SLIT3: variants seen among roughly 807,000 people sequenced by gnomAD.
SLIT3 encodes slit homolog 3 protein.
SLIT3 carries 68 observed loss-of-function variants against 184.0 expected under a neutral mutation model. That is an observed-to-expected ratio of 0.37 (90% CI 0.30 to 0.45). The LOEUF is 0.45. Ranked by LOEUF, SLIT3 falls within the 20% of genes least tolerant of loss-of-function variation. The probability of loss-of-function intolerance (pLI) is 1.00; values close to 1 mark genes in which losing one functional copy is unlikely to be tolerated. For missense variants in SLIT3, 1,707 were observed against 2,026.0 expected, an observed-to-expected ratio of 0.84 and a Z score of 3.02; for synonymous variants, 831 against 828.6, an observed-to-expected ratio of 1.00 and a Z score of -0.05.
At chr5:169,183,116 C>T (rs11740421) in intron 4 of SLIT3, among the ~76,000 whole-genome samples, 10,602 of 152,254 alleles carry the variant, frequency 0.07, 737 homozygotes, top group African/African-American at 0.17. Flanking sequence ...AGCATCCCAA[C>T]CACCAGCACA....
intron 8 of SLIT3, among the ~76,000 whole-genome samples, chr5:168,808,261 G>A (rs1757043953): frequency 6.6e-6 from 1 of 152,046 alleles, no homozygotes; most frequent in Non-Finnish European, 1.5e-5. Context: ...AACTGGGAAA[G>A]CCTTTATACT....
chr5:168,669,542 TTTTTGTGG>T (rs1761169707), intron 35 of SLIT3, among the ~76,000 whole-genome samples: 1 of 152,198 alleles, frequency 6.6e-6, no homozygotes, highest in Admixed American at 6.5e-5. Context: ...AAAAAAATGT[TTTTTGTGG>T]TTTTGAACTG....
At chr5:169,119,013 A>G (rs1760786042) in intron 4 of SLIT3, among the ~76,000 whole-genome samples, 1 of 152,136 alleles carries the variant, frequency 6.6e-6, no homozygotes, top group Non-Finnish European at 1.5e-5. Flanking sequence ...TAAGTGTTAA[A>G]TTTTTCCCAA....
chr5:169,020,009 T>C (rs746630108), intron 4 of SLIT3, among the ~76,000 whole-genome samples: 8 of 152,214 alleles, frequency 5.3e-5, no homozygotes, highest in Non-Finnish European at 7.3e-5. Context: ...CAGGACAAAT[T>C]TGGCCGCTGC....
At chr5:168,673,979 C>T (rs1180230237) in intron 32 of SLIT3, among the ~76,000 whole-genome samples, 1 of 152,212 alleles carries the variant, frequency 6.6e-6, no homozygotes, top group Non-Finnish European at 1.5e-5. Flanking sequence ...CCCAATTTCC[C>T]CCTTAAATAT....
intron 4 of SLIT3, among the ~76,000 whole-genome samples, chr5:168,994,450 T>C (rs1044392620): frequency 6.6e-6 from 1 of 151,988 alleles, no homozygotes; most frequent in South Asian, 2.1e-4. Flanking sequence ...CAGAATTTAG[T>C]TATCTGTCCA....
At chr5:168,776,921 C>T (rs11134528) in intron 12 of SLIT3, among the ~76,000 whole-genome samples, 39,974 of 151,920 alleles carry the variant, frequency 0.26, 5,979 homozygotes, top group East Asian at 0.37. Context: ...TGTCAAGAAA[C>T]ACTGAACTAT....
intron 23 of SLIT3, among the ~76,000 whole-genome samples, chr5:168,718,701 C>CACAT (rs1762831919): frequency 1.5e-5 from 2 of 135,260 alleles, no homozygotes; most frequent in South Asian, 4.5e-4. Context: ...CACACACACA[C>CACAT]ACACACACAC....
At chr5:169,097,201 C>T (rs559039717) in intron 4 of SLIT3, among the ~76,000 whole-genome samples, 2 of 152,348 alleles carry the variant, frequency 1.3e-5, no homozygotes, top group South Asian at 4.1e-4. Context: ...GAAATGTGCA[C>T]TGTTCCCTGC....
chr5:169,033,348 C>T (rs1476560654), intron 4 of SLIT3, among the ~76,000 whole-genome samples: 1 of 152,122 alleles, frequency 6.6e-6, no homozygotes, highest in East Asian at 1.9e-4. Context: ...ATTTGTCTGT[C>T]ACCGGACACT....
chr5:169,133,541 G>A (rs1049655422), intron 4 of SLIT3, among the ~76,000 whole-genome samples: 1 of 152,244 alleles, frequency 6.6e-6, no homozygotes, highest in Non-Finnish European at 1.5e-5. Context: ...GCTCAAGGTT[G>A]TCAGGGATCA....
chr5:169,292,470 C>T (rs902625160), intron 1 of SLIT3, among the ~76,000 whole-genome samples: 2 of 152,084 alleles, frequency 1.3e-5, no homozygotes, highest in Non-Finnish European at 2.9e-5. Flanking sequence ...ACCAACAGAA[C>T]CCCAGGGAAA....
intron 5 of SLIT3, among the ~76,000 whole-genome samples, chr5:168,846,484 A>G (rs1303066598): frequency 6.6e-6 from 1 of 152,156 alleles, no homozygotes; most frequent in East Asian, 1.9e-4. Flanking sequence ...CCTGCTGCCC[A>G]GCTTCTAGAT....
chr5:168,786,149 C>T (rs1205428400), intron 11 of SLIT3, among the ~76,000 whole-genome samples, 171 bp from the exon 12 acceptor site: 1 of 152,138 alleles, frequency 6.6e-6, no homozygotes, highest in African/African-American at 2.4e-5. Flanking sequence ...CCAAGAGCAG[C>T]CAGGGGCTGG....
chr5:168,925,484 C>A (rs1005394074), intron 4 of SLIT3, among the ~76,000 whole-genome samples: 1 of 152,178 alleles, frequency 6.6e-6, no homozygotes. Context: ...CCACCTAACT[C>A]ATTTCTCTAT....
intron 4 of SLIT3, among the ~76,000 whole-genome samples, chr5:169,182,041 T>C (rs1230102392): frequency 6.6e-6 from 1 of 152,058 alleles, no homozygotes; most frequent in East Asian, 1.9e-4. Context: ...GGCCAAACCA[T>C]CAGTTCAACA....
intron 17 of SLIT3, among the ~76,000 whole-genome samples, chr5:168,753,634 GGTGTGTGTGTGGT>G (rs375248397): frequency 4.1e-4 from 62 of 152,160 alleles, no homozygotes; most frequent in Non-Finnish European, 5.4e-4. Context: ...GACTATGTTG[GGTGTGTGTGTGGT>G]GTGTGTGTGT....
At chr5:169,163,133 C>T (rs1762530983) in intron 4 of SLIT3, among the ~76,000 whole-genome samples, 1 of 151,886 alleles carries the variant, frequency 6.6e-6, no homozygotes, top group Non-Finnish European at 1.5e-5. Context: ...CCAGCCCGGC[C>T]AACATAGTGA....
chr5:169,130,077 G>T (rs1474472040), intron 4 of SLIT3, among the ~76,000 whole-genome samples: 1 of 152,104 alleles, frequency 6.6e-6, no homozygotes, highest in East Asian at 1.9e-4. Flanking sequence ...TTGAACTCCT[G>T]ACCTCATGAT....
Sources: gnomAD v4.1 joint callset for allele counts (sites outside exome capture counted in the v4.1 genomes callset) on GRCh38, gnomAD v4.1.1 for gene constraint, MANE v1.5 for transcripts, NCBI Gene and HGNC (gene_info 2026-07-23, HGNC 2026-07-21) for gene names.